The following GLCCI1 variants were observed in gnomAD, a reference collection of about 807,000 sequenced individuals.
GLCCI1 encodes glucocorticoid induced 1.
In GLCCI1, 24 loss-of-function variants were observed where a neutral mutation model predicts 52.2. The observed-to-expected ratio is 0.46, with a 90% CI of 0.33 to 0.65. GLCCI1 has a LOEUF of 0.65. Ranked by LOEUF, GLCCI1 falls within the 30% of genes least tolerant of loss-of-function variation. The pLI, the probability that GLCCI1 is intolerant of heterozygous loss-of-function variation, is 0.02. For missense variants in GLCCI1, 704 were observed against 701.5 expected (o/e 1.00, Z -0.04); for synonymous variants, 310 against 276.5 (o/e 1.12, Z -1.20).
chr7:8,074,570 A>C (rs999409776), intron 6 of GLCCI1, among the ~76,000 whole-genome samples: 1 of 152,124 alleles, frequency 6.6e-6, no homozygotes, highest in African/African-American at 2.4e-5. Context: ...CTGCAGTCTC[A>C]GCTAATTAGG....
chr7:7,975,354 C>G (rs1780442307), intron 1 of GLCCI1, among the ~76,000 whole-genome samples: 1 of 152,104 alleles, frequency 6.6e-6, no homozygotes, highest in Non-Finnish European at 1.5e-5. Context: ...TCATGAATAC[C>G]TCAGTGACTT....
At chr7:8,029,289 A>T (rs986050379) in intron 3 of GLCCI1, among the ~76,000 whole-genome samples, 1 of 152,210 alleles carries the variant, frequency 6.6e-6, no homozygotes, top group Non-Finnish European at 1.5e-5. Flanking sequence ...GGATGCAAAG[A>T]TGGTTCAACA....
chr7:8,009,067 A>C (rs1300901468), intron 2 of GLCCI1, among the ~76,000 whole-genome samples: 1 of 152,224 alleles, frequency 6.6e-6, no homozygotes, highest in Non-Finnish European at 1.5e-5. Context: ...GAGGATTATA[A>C]GATACAGCTT....
intron 3 of GLCCI1, chr7:8,024,910 C>T: frequency 6.6e-6 from 1 of 152,218 alleles, no homozygotes; most frequent in East Asian, 1.9e-4. Flanking sequence ...GGATGAAAAC[C>T]AGCAGCTTTG....
At chr7:8,022,648 C>A in intron 3 of GLCCI1, 79 bp downstream of exon 3, 1 of 785,450 alleles carries the variant, frequency 1.3e-6, no homozygotes, top group Non-Finnish European at 1.9e-6. Context: ...TGTAATGACA[C>A]TTTTAAAATT....
At chr7:7,999,430 A>C (rs929223424) in intron 1 of GLCCI1, among the ~76,000 whole-genome samples, 1 of 152,126 alleles carries the variant, frequency 6.6e-6, no homozygotes, top group Non-Finnish European at 1.5e-5. Context: ...CAACACAGCG[A>C]GACCCCATCC....
At chr7:7,990,122 G>T (rs1780809675) in intron 1 of GLCCI1, among the ~76,000 whole-genome samples, 1 of 152,100 alleles carries the variant, frequency 6.6e-6, no homozygotes, top group Admixed American at 6.6e-5. Flanking sequence ...GATGAGTCCA[G>T]TACATCTGGA....
intron 2 of GLCCI1, among the ~76,000 whole-genome samples, chr7:8,016,503 A>G (rs572350111): frequency 8.5e-5 from 13 of 152,206 alleles, no homozygotes; most frequent in Non-Finnish European, 1.6e-4. Context: ...AAGATCATAG[A>G]GTTATAGTTT....
intron 1 of GLCCI1, chr7:7,982,243 G>A: frequency 1.3e-5 from 3 of 234,882 alleles, no homozygotes; most frequent in South Asian, 5.6e-5. Flanking sequence ...AAGATGAAGA[G>A]GCAGAATTGA....
chr7:7,980,515 A>C (rs1780591283), intron 1 of GLCCI1: 1 of 406,394 alleles, frequency 2.5e-6, no homozygotes, highest in Non-Finnish European at 4.4e-6. Flanking sequence ...TTATTGCCTT[A>C]TTCACAGTAT....
intron 5 of GLCCI1, among the ~76,000 whole-genome samples, 164 bp downstream of exon 5, chr7:8,060,412 A>C (rs1239582208): frequency 6.6e-6 from 1 of 152,222 alleles, no homozygotes; most frequent in African/African-American, 2.4e-5. Context: ...GAGTTATACA[A>C]CTGTCACCAC....
At chr7:7,975,586 A>G (rs1305563398) in intron 1 of GLCCI1, among the ~76,000 whole-genome samples, 1 of 152,244 alleles carries the variant, frequency 6.6e-6, no homozygotes, top group Non-Finnish European at 1.5e-5. Context: ...AGCTAAAAGA[A>G]TGACAAAGGA....
chr7:8,064,832 C>T (rs760915566), intron 5 of GLCCI1, among the ~76,000 whole-genome samples: 5 of 152,094 alleles, frequency 3.3e-5, no homozygotes, highest in East Asian at 1.9e-4. Flanking sequence ...CACAGCCTCC[C>T]GAGCAGCTGG....
At chr7:8,034,097 C>A (rs867830407) in intron 3 of GLCCI1, among the ~76,000 whole-genome samples, 1 of 151,966 alleles carries the variant, frequency 6.6e-6, no homozygotes, top group Non-Finnish European at 1.5e-5. Flanking sequence ...TAGAAATAAA[C>A]CCTTATATTT....
At chr7:8,063,525 G>GT in intron 5 of GLCCI1, among the ~76,000 whole-genome samples, 2 of 151,630 alleles carry the variant, frequency 1.3e-5, no homozygotes, top group South Asian at 4.2e-4. Context: ...TTTTTGTAAT[G>GT]TGGAGCATTT....
intron 4 of GLCCI1, among the ~76,000 whole-genome samples, chr7:8,057,525 T>C (rs1283144896): frequency 6.6e-6 from 1 of 152,060 alleles, no homozygotes; most frequent in African/African-American, 2.4e-5. Flanking sequence ...GTTTTAGGGA[T>C]GCGGATTGAC....
At chr7:8,062,963 A>G (rs936879066) in intron 5 of GLCCI1, among the ~76,000 whole-genome samples, 2 of 152,116 alleles carry the variant, frequency 1.3e-5, no homozygotes, top group Non-Finnish European at 2.9e-5. Context: ...AGAGCAATTT[A>G]TATTTCTTTG....
intron 3 of GLCCI1, among the ~76,000 whole-genome samples, chr7:8,026,401 C>T (rs528533133): frequency 1.6e-4 from 25 of 152,302 alleles, no homozygotes; most frequent in African/African-American, 5.5e-4. Flanking sequence ...TCCCTCCCAC[C>T]CCCAATGGAG....
chr7:8,083,090 A>G (rs1300324502), intron 6 of GLCCI1, among the ~76,000 whole-genome samples: 1 of 152,202 alleles, frequency 6.6e-6, no homozygotes, highest in African/African-American at 2.4e-5. Flanking sequence ...CCATGGAGGC[A>G]TCTCATGCCA....
Sources: gnomAD v4.1 joint callset for allele counts (sites outside exome capture counted in the v4.1 genomes callset) on GRCh38, gnomAD v4.1.1 for gene constraint, MANE v1.5 for transcripts, NCBI Gene and HGNC (gene_info 2026-07-23, HGNC 2026-07-21) for gene names.